ANKRD6: variants seen among roughly 807,000 people sequenced by gnomAD.
ANKRD6 encodes ankyrin repeat domain 6, also known as ankyrin repeat domain-containing protein 6.
A neutral mutation model predicts 82.3 loss-of-function variants in ANKRD6; 56 were observed. That is an observed-to-expected ratio of 0.68 (90% confidence interval 0.55 to 0.85). ANKRD6 has a LOEUF of 0.85. Among genes scored for constraint, ANKRD6 ranks in the 40% least tolerant of loss-of-function variants. ANKRD6 has a pLI of 0.00. For synonymous variants in ANKRD6, 347 were observed against 352.1 expected, an observed-to-expected ratio of 0.99 and a Z score of 0.16; for missense variants, 852 against 907.6, an observed-to-expected ratio of 0.94 and a Z score of 0.79.
At chr6:89,623,028 G>GGA (rs1249678479) in intron 10 of ANKRD6, among the ~76,000 whole-genome samples, 1 of 127,496 alleles carries the variant, frequency 7.8e-6, no homozygotes, top group African/African-American at 2.7e-5. Flanking sequence ...GGGGTGGGGG[G>GGA]GGCGGGAGGG....
chr6:89,604,988 C>T (rs1798160678), intron 4 of ANKRD6, among the ~76,000 whole-genome samples: 1 of 150,210 alleles, frequency 6.7e-6, no homozygotes. Flanking sequence ...CTCCTGCCTT[C>T]CCGCCCCCAC....
chr6:89,434,979 T>A (rs59857266), intron 1 of ANKRD6, among the ~76,000 whole-genome samples: 11,927 of 152,178 alleles, frequency 0.078, 583 homozygotes, highest in South Asian at 0.15. Flanking sequence ...TGGTAATTTT[T>A]AAAAATGTGA....
chr6:89,531,452 A>T (rs982043705), intron 1 of ANKRD6, among the ~76,000 whole-genome samples: 1 of 152,250 alleles, frequency 6.6e-6, no homozygotes, highest in Admixed American at 6.5e-5. Context: ...TTGATATTTT[A>T]TGGATTCTTC....
intron 1 of ANKRD6, among the ~76,000 whole-genome samples, chr6:89,500,490 TATG>T (rs1453762697): frequency 1.3e-5 from 2 of 152,214 alleles, no homozygotes; most frequent in Non-Finnish European, 2.9e-5. Flanking sequence ...AATAATGTCA[TATG>T]ATATATTTTT....
chr6:89,602,007 G>A (rs1211953602), intron 3 of ANKRD6: 1 of 152,140 alleles, frequency 6.6e-6, no homozygotes, highest in Non-Finnish European at 1.5e-5. Flanking sequence ...ATCCAAGAAG[G>A]CAATGGAGGG....
At position 89,630,930 on chromosome 6, in the gene ANKRD6, A is replaced by G; in HGVS notation, c.2110A>G (p.Thr704Ala). 1 of 1,608,460 alleles carries G rather than the reference A, an allele frequency of 6.2e-7. No homozygotes were observed. Among genetic ancestry groups the G allele is most frequent in the South Asian group, 1.1e-5 (1 of 90,144 alleles). The change falls in exon 16 of 16, where the codon ACA becomes GCA. Residue 704 changes from threonine to alanine, a missense_variant. Thr to Ala is a moderately conservative substitution (Grantham distance 58, BLOSUM62 0). Transcript: ENST00000339746. The part of the protein sequence containing the change: ...ANQKAQQDKA[T>A]LKEHIKSLEE... ...TCAGAAAGCCCAGCAAGATAAGGCT[A>G]CATTGAAGGAACACATTAAAAGTTT... is the stretch of plus-strand genomic sequence containing the variant.
At chr6:89,476,054 A>T (rs563195991) in intron 1 of ANKRD6, among the ~76,000 whole-genome samples, 1 of 152,354 alleles carries the variant, frequency 6.6e-6, no homozygotes, top group East Asian at 1.9e-4. Flanking sequence ...AATATTAAAG[A>T]ATCTTTTAAA....
chr6:89,494,107 G>A (rs1778331866), intron 1 of ANKRD6, among the ~76,000 whole-genome samples: 2 of 152,120 alleles, frequency 1.3e-5, no homozygotes, highest in East Asian at 1.9e-4. Flanking sequence ...CTTGAGACCA[G>A]GAGTTTGAGA....
At chr6:89,516,531 G>A (rs552057961) in intron 1 of ANKRD6, among the ~76,000 whole-genome samples, 3 of 152,234 alleles carry the variant, frequency 2.0e-5, no homozygotes, top group African/African-American at 7.2e-5. Context: ...CTGGAGTGCA[G>A]TGGTGTGATC....
intron 1 of ANKRD6, among the ~76,000 whole-genome samples, chr6:89,466,288 GAACA>G (rs1774837255): frequency 6.6e-6 from 1 of 152,132 alleles, no homozygotes; most frequent in African/African-American, 2.4e-5. Context: ...TGTAATGCTT[GAACA>G]AACATTTTTT....
At chr6:89,621,704 C>G in intron 9 of ANKRD6, 1 of 566,522 alleles carries the variant, frequency 1.8e-6, no homozygotes, top group East Asian at 3.0e-5. Context: ...TTCTTGAGGT[C>G]AGGGATAATA....
chr6:89,543,542 T>A (rs1308117763), intron 1 of ANKRD6, among the ~76,000 whole-genome samples: 1 of 152,192 alleles, frequency 6.6e-6, no homozygotes, highest in Admixed American at 6.5e-5. Flanking sequence ...GTCTGAAAGA[T>A]CTGGCATTCC....
At chr6:89,584,687 G>A (rs1793319235) in intron 2 of ANKRD6, among the ~76,000 whole-genome samples, 1 of 152,210 alleles carries the variant, frequency 6.6e-6, no homozygotes, top group Non-Finnish European at 1.5e-5. Context: ...TTTATTCCAA[G>A]TATGCAAGAC....
intron 1 of ANKRD6, among the ~76,000 whole-genome samples, chr6:89,449,819 G>T (rs1020585566): frequency 6.6e-6 from 1 of 151,976 alleles, no homozygotes; most frequent in African/African-American, 2.4e-5. Context: ...TCTAACTCCC[G>T]AAAAAATTTA....
chr6:89,506,143 A>G lies in ANKRD6; in HGVS notation c.-143-60691A>G, dbSNP rs571179651. ...AAGTTCTGGAGATCCAATGTGCAGC[A>G]TGGTGACTATAGTTAGTGTATTATG... On this transcript the variant is annotated intron_variant, in intron 1 of 15. Coordinates refer to ENST00000339746, the MANE Select transcript of ANKRD6 (RefSeq NM_001242809.2). 4.6e-5 allele frequency among the ~76,000 whole-genome samples: 7 copies of G among 152,312 alleles called. No individual in the cohort carries two copies. In the East Asian group the frequency reaches 1.3e-3, roughly 29 times the overall value.
At chr6:89,578,386 C>G (rs1208306210) in intron 2 of ANKRD6, among the ~76,000 whole-genome samples, 1 of 145,080 alleles carries the variant, frequency 6.9e-6, no homozygotes, top group African/African-American at 2.5e-5. Flanking sequence ...ACCTCCACCT[C>G]CCGGGTTGAA....
At chr6:89,624,924 T>C (rs1409082173) in intron 13 of ANKRD6, among the ~76,000 whole-genome samples, 1 of 152,228 alleles carries the variant, frequency 6.6e-6, no homozygotes, top group Non-Finnish European at 1.5e-5. Context: ...CAGAGCATTT[T>C]TAGAAATATG....
At chr6:89,579,637 A>C (rs571062539) in intron 2 of ANKRD6, among the ~76,000 whole-genome samples, 132 of 151,496 alleles carry the variant, frequency 8.7e-4, no homozygotes, top group African/African-American at 3.1e-3. Flanking sequence ...CACGCCTGTA[A>C]TCCCAGCTAC....
chr6:89,623,026 G>A (rs1804129185), intron 10 of ANKRD6, among the ~76,000 whole-genome samples: 1 of 129,856 alleles, frequency 7.7e-6, no homozygotes, highest in Non-Finnish European at 1.7e-5. Flanking sequence ...GGGGGGTGGG[G>A]GGGGCGGGAG....
Sources: gnomAD v4.1 joint callset for allele counts (sites outside exome capture counted in the v4.1 genomes callset) on GRCh38, gnomAD v4.1.1 for gene constraint, MANE v1.5 for transcripts, NCBI Gene and HGNC (gene_info 2026-07-23, HGNC 2026-07-21) for gene names.